TNPO1: variants seen among roughly 807,000 people sequenced by gnomAD.
TNPO1 encodes transportin-1.
TNPO1 carries 8 observed loss-of-function variants against 119.5 expected under a neutral mutation model. The ratio of observed to expected loss-of-function variants is 0.07; its 90% CI spans 0.04 to 0.12. The LOEUF (loss-of-function observed/expected upper bound fraction) is 0.12. Ranked by LOEUF, TNPO1 falls within the 10% of genes least tolerant of loss-of-function variation. The pLI is 1.00. For synonymous variants in TNPO1, 362 were observed against 363.0 expected (o/e 1.00, Z 0.03); for missense variants, 576 against 1,089.8 (o/e 0.53, Z 6.64).
rs117847778 is a variant in TNPO1 at position 72,846,098 on chromosome 5, G to A, written c.16-2287G>A. Among the ~76,000 whole-genome samples the A allele has an allele frequency of 6.6e-4, 101 of 152,318 alleles. 2 individuals are homozygous for A. In the East Asian group the frequency reaches 7.1e-3, roughly 11 times the overall value. On this transcript the variant is annotated intron_variant, in intron 1 of 24. Transcript: ENST00000337273. ...CATATTGTTGGCGTGTGTGAATTGC[G>A]TAACTTTTTGGAAAGTAATTTGGTA...
Position 72,905,454 on chromosome 5 carries a change from TAAG to T in TNPO1, c.*35+13_*35+15del. 1 of 1,420,180 alleles carries T rather than the reference TAAG, an allele frequency of 7.0e-7. No homozygotes were observed. The highest frequency in any genetic ancestry group is 1.3e-5 in the South Asian group (1 of 79,172). The allele number at this position is 1,420,180 out of a possible 1,614,324, so 88.0% of individuals were successfully genotyped here. ...CAGTCCCAAAATTAGGGGTAAGTTA[TAAG>T]AAGTTTGGAAATTTTCAGGATGAAG... On this transcript the variant is annotated intron_variant, in intron 24 of 24. Coordinates refer to ENST00000337273, the MANE Select transcript of TNPO1 (RefSeq NM_002270.4).
At chr5:72,892,297 C>A (rs535056304) in intron 15 of TNPO1, among the ~76,000 whole-genome samples, 127 of 151,342 alleles carry the variant, frequency 8.4e-4, no homozygotes, top group African/African-American at 2.6e-3. Flanking sequence ...TTTTTTAACA[C>A]CCCTTTCATT....
chr5:72,880,943 A>G (rs1375861654), intron 9 of TNPO1, among the ~76,000 whole-genome samples: 1 of 152,102 alleles, frequency 6.6e-6, no homozygotes, highest in African/African-American at 2.4e-5. Flanking sequence ...GCACATGCCA[A>G]ATTGCCACAT....
intron 12 of TNPO1, among the ~76,000 whole-genome samples, 158 bp from the exon 13 acceptor site, chr5:72,887,920 T>C (rs1374364595): frequency 6.6e-6 from 1 of 152,202 alleles, no homozygotes; most frequent in African/African-American, 2.4e-5. Flanking sequence ...AGCTCTAACT[T>C]CAGGGTTTTA....
chr5:72,865,082 C>G (rs907996907), intron 5 of TNPO1, among the ~76,000 whole-genome samples: 2 of 152,158 alleles, frequency 1.3e-5, no homozygotes, highest in Non-Finnish European at 2.9e-5. Context: ...AATGCTAAAA[C>G]TAAAATATAC....
At chr5:72,880,447 A>T (rs913450948) in intron 9 of TNPO1, among the ~76,000 whole-genome samples, 22 of 152,176 alleles carry the variant, frequency 1.4e-4, no homozygotes, top group Non-Finnish European at 2.5e-4. Flanking sequence ...AAACAACCCA[A>T]TGCTCAGCCC....
intron 1 of TNPO1, among the ~76,000 whole-genome samples, chr5:72,831,287 T>C (rs1744447492): frequency 6.6e-6 from 1 of 151,970 alleles, no homozygotes; most frequent in African/African-American, 2.4e-5. Context: ...TTTTACATAT[T>C]TAGTAGGGTT....
In TNPO1 at chr5:72,893,547, A is replaced by G; in HGVS notation, c.2055+12A>G. 6.2e-7 allele frequency: 1 copy of G among 1,614,202 alleles called. No individual in the cohort carries two copies. The highest frequency in any genetic ancestry group is 8.5e-7 in the Non-Finnish European group (1 of 1,180,028). Reference sequence around the variant, plus strand: ...ATCAGTGCATGCAGGTGAGACTTGAAAGGTGAAAATGAATTGAAGCCTGTT... The same window carrying G: ...ATCAGTGCATGCAGGTGAGACTTGAGAGGTGAAAATGAATTGAAGCCTGTT... On this transcript the variant is annotated intron_variant, in intron 17 of 24. Transcript: ENST00000337273.
chr5:72,878,898 G>T, intron 9 of TNPO1: 1 of 510,604 alleles, frequency 2.0e-6, no homozygotes, highest in East Asian at 5.7e-5. Context: ...GCATCACTCA[G>T]ATTTTGTGTC....
At chr5:72,884,680 A>AT (rs1748491125) in intron 11 of TNPO1, among the ~76,000 whole-genome samples, 1 of 152,064 alleles carries the variant, frequency 6.6e-6, no homozygotes, top group Non-Finnish European at 1.5e-5. Flanking sequence ...TGTTTGCTGG[A>AT]TTTTAAACCT....
chr5:72,870,860 G>T (rs1395980808), intron 6 of TNPO1, among the ~76,000 whole-genome samples: 3 of 152,044 alleles, frequency 2.0e-5, no homozygotes, highest in African/African-American at 7.2e-5. Flanking sequence ...AGACTTTATT[G>T]TATTTTTTTT....
chr5:72,870,259 C>G (rs1747289927), intron 6 of TNPO1, among the ~76,000 whole-genome samples: 1 of 143,292 alleles, frequency 7.0e-6, no homozygotes, highest in Non-Finnish European at 1.5e-5. Flanking sequence ...CTCCCAGGTT[C>G]AAGCGATTCT....
At chr5:72,903,667 A>T in intron 22 of TNPO1, 42 bp from the exon 23 acceptor site, 4 of 1,380,804 alleles carry the variant, frequency 2.9e-6, no homozygotes, top group Non-Finnish European at 3.0e-6. Flanking sequence ...TGAGTTTGAC[A>T]AATACAATAT....
Position 72,912,007 on chromosome 5 carries a change from CATTT to C in TNPO1, c.*3338_*3341del, listed in dbSNP as rs2112531564. The C allele has an allele frequency of 6.6e-6, 1 of 152,528 alleles. No individual in the cohort carries two copies. The highest frequency in any genetic ancestry group is 1.5e-5 in the Non-Finnish European group (1 of 67,902). 9.4% of individuals were successfully genotyped at this position (152,528 alleles called of 1,614,324 possible). On this transcript the variant is annotated 3_prime_UTR_variant, in exon 25 of 25. Coordinates refer to ENST00000337273, the MANE Select transcript of TNPO1 (RefSeq NM_002270.4). ...GAGTGAACTTAGTGCCACAGGTATT[CATTT>C]ATTCAGGAAAGAATTTTGCTTTTTG... is the stretch of plus-strand genomic sequence containing the variant.
At chr5:72,838,743 AC>A (rs1282332296) in intron 1 of TNPO1, among the ~76,000 whole-genome samples, 1 of 152,188 alleles carries the variant, frequency 6.6e-6, no homozygotes, top group African/African-American at 2.4e-5. Context: ...GATGGTACTT[AC>A]ATATTTAATG....
intron 1 of TNPO1, among the ~76,000 whole-genome samples, chr5:72,837,941 T>G (rs1433224263): frequency 6.6e-6 from 1 of 152,178 alleles, no homozygotes; most frequent in Non-Finnish European, 1.5e-5. Flanking sequence ...GGAACTAAAC[T>G]TGTAAAAATT....
intron 13 of TNPO1, among the ~76,000 whole-genome samples, chr5:72,889,295 T>C (rs767450608): frequency 6.6e-6 from 1 of 152,128 alleles, no homozygotes; most frequent in Non-Finnish European, 1.5e-5. Flanking sequence ...TGACCTCAAG[T>C]GATCCACCCA....
In TNPO1 at chr5:72,900,055, C is replaced by T. The variant is rs1448963735; in HGVS notation, c.2388C>T (p.Pro796=). 2.5e-6 allele frequency: 4 copies of T among 1,613,814 alleles called. No homozygotes were observed. Among genetic ancestry groups the T allele is most frequent in the Non-Finnish European group, 3.4e-6 (4 of 1,179,888 alleles). The change falls in exon 21 of 25, where the codon CCC becomes CCT. Residue 796 remains proline (P), a synonymous_variant. Transcript: ENST00000337273. ...ACGTTTGTCCTCAAGAGGTGGCCCC[C>T]ATGCTACAGCAGTTTATAAGACCCT... ...LGYVCPQEVA[P]MLQQFIRPWC...
At chr5:72,829,077 C>T (rs1439242437) in intron 1 of TNPO1, among the ~76,000 whole-genome samples, 1 of 152,100 alleles carries the variant, frequency 6.6e-6, no homozygotes, top group African/African-American at 2.4e-5. Flanking sequence ...ATTATATGGA[C>T]ATGGTTTAAG....
Sources: allele counts gnomAD v4.1 joint callset (sites outside exome capture counted in the v4.1 genomes callset), GRCh38; gene constraint gnomAD v4.1.1; transcripts MANE v1.5; gene names NCBI Gene and HGNC (gene_info 2026-07-23, HGNC 2026-07-21).